The following HHAT variants were observed in gnomAD, a reference collection of about 807,000 sequenced individuals.
HHAT encodes the protein protein-cysteine N-palmitoyltransferase HHAT.
In HHAT, 47 loss-of-function variants were observed where a neutral mutation model predicts 70.8. The ratio of observed to expected loss-of-function variants is 0.66; its 90% CI spans 0.53 to 0.85. HHAT has a LOEUF of 0.85. Among genes scored for constraint, HHAT ranks in the 40% least tolerant of loss-of-function variants. The pLI is 0.00. For synonymous variants in HHAT, 228 were observed against 247.6 expected (o/e 0.92, Z 0.74); for missense variants, 609 against 604.8 (o/e 1.01, Z -0.07).
At chr1:210,528,360 G>A (rs2095275041) in intron 9 of HHAT, among the ~76,000 whole-genome samples, 1 of 152,188 alleles carries the variant, frequency 6.6e-6, no homozygotes, top group Non-Finnish European at 1.5e-5. Context: ...TGTTCCGGGC[G>A]CTAAGAGTGA....
rs112089409 is a variant in HHAT at position 210,363,234 on chromosome 1, G to C, written c.159+315G>C. ...TCCATCAGAATCACATGCGGCCCCT[G>C]GACGCTCCTATACCAACTGCCGGCA... On this transcript the variant is annotated intron_variant, in intron 3 of 11. Coordinates refer to ENST00000261458, the MANE Select transcript of HHAT (RefSeq NM_018194.6). Among the ~76,000 whole-genome samples, 1,129 of 152,260 alleles carry C rather than the reference G, an allele frequency of 7.4e-3. 20 individuals are homozygous for C. The highest frequency in any genetic ancestry group is 0.026 in the African/African-American group (1,083 of 41,540).
intron 6 of HHAT, 53 bp downstream of exon 6, chr1:210,404,732 T>C: frequency 6.9e-7 from 1 of 1,454,078 alleles, no homozygotes; most frequent in East Asian, 2.3e-5. Flanking sequence ...CCTTTGTCGC[T>C]GTTGCTCTGG....
intron 7 of HHAT, among the ~76,000 whole-genome samples, chr1:210,420,771 T>G (rs2092879109): frequency 6.6e-6 from 1 of 152,118 alleles, no homozygotes; most frequent in Non-Finnish European, 1.5e-5. Flanking sequence ...AAGCCATACT[T>G]TACCTTGAAC....
At chr1:210,606,603 C>T (rs1665502624) in intron 10 of HHAT, among the ~76,000 whole-genome samples, 1 of 152,178 alleles carries the variant, frequency 6.6e-6, no homozygotes, top group South Asian at 2.1e-4. Flanking sequence ...TGCACTGATG[C>T]TTCCCTTCTC....
chr1:210,437,417 A>G (rs539226345), intron 7 of HHAT, among the ~76,000 whole-genome samples: 1 of 151,904 alleles, frequency 6.6e-6, no homozygotes, highest in Admixed American at 6.5e-5. Flanking sequence ...AGAATAAGGG[A>G]CGACTCTCTG....
chr1:210,662,697 G>T (rs1678010429), intron 11 of HHAT, among the ~76,000 whole-genome samples: 1 of 151,060 alleles, frequency 6.6e-6, no homozygotes, highest in South Asian at 2.1e-4. Context: ...TGCTTGTGCT[G>T]TCAGAATAAG....
intron 8 of HHAT, among the ~76,000 whole-genome samples, chr1:210,510,596 A>G (rs1191169336): frequency 2.0e-5 from 3 of 152,172 alleles, no homozygotes; most frequent in Admixed American, 1.3e-4. Context: ...TTCAATTAGT[A>G]ATAATGAAAG....
chr1:210,672,985 C>T (rs144745508), intron 11 of HHAT, among the ~76,000 whole-genome samples: 4 of 152,276 alleles, frequency 2.6e-5, no homozygotes, highest in African/African-American at 9.6e-5. Flanking sequence ...ATTTCACAGT[C>T]GTTCGTTTCT....
intron 8 of HHAT, among the ~76,000 whole-genome samples, chr1:210,477,375 G>C (rs910324334): frequency 1.3e-5 from 2 of 152,164 alleles, no homozygotes; most frequent in Non-Finnish European, 2.9e-5. Context: ...CCCTAGAGTT[G>C]CTTTTTGTGT....
chr1:210,411,039 C>G (rs1043450170), intron 6 of HHAT, among the ~76,000 whole-genome samples: 2 of 152,110 alleles, frequency 1.3e-5, no homozygotes, highest in Non-Finnish European at 1.5e-5. Context: ...CATGATTTTT[C>G]TTAATTACAG....
At chr1:210,572,652 G>C (rs1656604126) in intron 9 of HHAT, among the ~76,000 whole-genome samples, 2 of 152,110 alleles carry the variant, frequency 1.3e-5, no homozygotes, top group South Asian at 4.1e-4. Flanking sequence ...CCAGTGACTT[G>C]GGAGGCCAAG....
intron 7 of HHAT, among the ~76,000 whole-genome samples, chr1:210,451,011 C>T (rs141273797): frequency 0.016 from 2,403 of 149,202 alleles, 67 homozygotes; most frequent in African/African-American, 0.055. Flanking sequence ...GGTGTGAACC[C>T]GGGAGGTGGA....
At chr1:210,489,809 A>G (rs1044691080) in intron 8 of HHAT, among the ~76,000 whole-genome samples, 1 of 152,190 alleles carries the variant, frequency 6.6e-6, no homozygotes, top group Admixed American at 6.5e-5. Flanking sequence ...GTGAAAGAGG[A>G]GCTCAGGAGA....
At chr1:210,331,764 G>A (rs2085008809) in intron 1 of HHAT, among the ~76,000 whole-genome samples, 1 of 152,216 alleles carries the variant, frequency 6.6e-6, no homozygotes, top group South Asian at 2.1e-4. Flanking sequence ...TTGGTTTTGA[G>A]TGCAGCCACT....
At chr1:210,577,215 C>T (rs1658004074) in intron 9 of HHAT, among the ~76,000 whole-genome samples, 1 of 151,974 alleles carries the variant, frequency 6.6e-6, no homozygotes, top group Non-Finnish European at 1.5e-5. Context: ...ATTTCCAATA[C>T]TATGTTGAAA....
intron 1 of HHAT, among the ~76,000 whole-genome samples, chr1:210,346,748 G>A (rs553405995): frequency 6.6e-6 from 1 of 152,330 alleles, no homozygotes; most frequent in South Asian, 2.1e-4. Context: ...TCTGAAGAAA[G>A]GAGTTTGTGT....
rs1313727010 is a variant in HHAT at position 210,675,065 on chromosome 1, C to G, written c.*686C>G. 6.6e-6 allele frequency: 1 copy of G among 152,204 alleles called. No homozygotes were observed. The highest frequency in any genetic ancestry group is 1.5e-5 in the Non-Finnish European group (1 of 68,052). The allele number at this position is 152,204 out of a possible 1,614,324, so 9.4% of individuals were successfully genotyped here. On this transcript the variant is annotated 3_prime_UTR_variant, in exon 12 of 12. Coordinates refer to ENST00000261458, the MANE Select transcript of HHAT (RefSeq NM_018194.6). ...TTCTGAGATTTGCAGAGAAGTATAA[C>G]ATGGTAGTTCCTCTACCTTACAGTT... is the stretch of plus-strand genomic sequence containing the variant.
chr1:210,583,270 A>G (rs1052346753), intron 9 of HHAT, among the ~76,000 whole-genome samples: 1 of 152,208 alleles, frequency 6.6e-6, no homozygotes, highest in Non-Finnish European at 1.5e-5. Flanking sequence ...CTTTTAAATT[A>G]AGAAGGTGGC....
chr1:210,329,710 T>C (rs2147892545), intron 1 of HHAT, among the ~76,000 whole-genome samples: 2 of 152,300 alleles, frequency 1.3e-5, no homozygotes, highest in Middle Eastern at 6.8e-3. Flanking sequence ...AGGTTTGCAT[T>C]ACGTGGGAGT....
Sources: allele counts gnomAD v4.1 joint callset (sites outside exome capture counted in the v4.1 genomes callset), GRCh38; gene constraint gnomAD v4.1.1; transcripts MANE v1.5; gene names NCBI Gene and HGNC (gene_info 2026-07-23, HGNC 2026-07-21).